The following RNF144A variants were observed in gnomAD, a reference collection of about 807,000 sequenced individuals.
RNF144A encodes the protein ring finger protein 144A, also known as E3 ubiquitin-protein ligase RNF144A.
RNF144A carries 11 observed loss-of-function variants against 38.7 expected under a neutral mutation model. The ratio of observed to expected loss-of-function variants is 0.28; its 90% CI spans 0.18 to 0.47. The LOEUF (loss-of-function observed/expected upper bound fraction) is 0.47, where lower values mean the gene tolerates loss of function less well. Among genes scored for constraint, RNF144A ranks in the 20% least tolerant of loss-of-function variants. The probability of loss-of-function intolerance (pLI) is 0.99; values close to 1 mark genes in which losing one functional copy is unlikely to be tolerated. For missense variants in RNF144A, 316 were observed against 377.2 expected (o/e 0.84, Z 1.34); for synonymous variants, 149 against 143.9 (o/e 1.04, Z -0.25).
chr2:7,029,366 TGAGCTGGG>T (rs1458123190), intron 7 of RNF144A, among the ~76,000 whole-genome samples: 1 of 152,194 alleles, frequency 6.6e-6, no homozygotes, highest in African/African-American at 2.4e-5. Context: ...TGCCAAGCAC[TGAGCTGGG>T]GAACACACTT....
chr2:7,044,751 C>T (rs140472873), downstream of RNF144A, among the ~76,000 whole-genome samples: 12 of 152,282 alleles, frequency 7.9e-5, no homozygotes, highest in Non-Finnish European at 1.3e-4. Context: ...ATACCTCATG[C>T]GTTCATATGA....
chr2:7,039,228 G>T (rs147067802), intron 8 of RNF144A, among the ~76,000 whole-genome samples: 2,018 of 150,914 alleles, frequency 0.013, 36 homozygotes, highest in African/African-American at 0.047. Flanking sequence ...TAGATGGATG[G>T]GTAGGTGGAT....
intron 2 of RNF144A, among the ~76,000 whole-genome samples, chr2:6,978,149 C>T (rs1169226896): frequency 6.6e-6 from 1 of 152,132 alleles, no homozygotes; most frequent in Non-Finnish European, 1.5e-5. Context: ...CTGCATAGCT[C>T]TGGAGGACGT....
chr2:6,938,664 C>T (rs1459165581), intron 1 of RNF144A, among the ~76,000 whole-genome samples: 1 of 152,188 alleles, frequency 6.6e-6, no homozygotes, highest in East Asian at 1.9e-4. Flanking sequence ...TTGTAACCAA[C>T]ATCATTATCT....
At chr2:6,961,051 C>T (rs908392528) in intron 2 of RNF144A, among the ~76,000 whole-genome samples, 2 of 151,770 alleles carry the variant, frequency 1.3e-5, no homozygotes, top group African/African-American at 2.4e-5. Flanking sequence ...ACGTGGTCCT[C>T]TGGATGTCTT....
intron 1 of RNF144A, among the ~76,000 whole-genome samples, chr2:6,939,153 C>T (rs573267076): frequency 3.6e-4 from 55 of 152,296 alleles, no homozygotes; most frequent in African/African-American, 1.3e-3. Flanking sequence ...CTTTGAGGAG[C>T]TGCCAAACTA....
At chr2:6,989,222 C>A (rs1048697935) in intron 2 of RNF144A, among the ~76,000 whole-genome samples, 1 of 152,234 alleles carries the variant, frequency 6.6e-6, no homozygotes, top group Non-Finnish European at 1.5e-5. Context: ...TCTTTATTAG[C>A]CACCTGAATC....
intron 8 of RNF144A, among the ~76,000 whole-genome samples, chr2:7,034,192 T>C (rs1672511258): frequency 6.6e-6 from 1 of 151,984 alleles, no homozygotes; most frequent in Non-Finnish European, 1.5e-5. Flanking sequence ...AGTTCTTCCT[T>C]TCTTTGAAGG....
Position 6,943,863 on chromosome 2 carries a change from C to G in RNF144A, c.-12+2716C>G, listed in dbSNP as rs1262593969. 6.6e-6 allele frequency among the ~76,000 whole-genome samples: 1 copy of G among 152,138 alleles called. No homozygotes were observed. Among genetic ancestry groups the G allele is most frequent in the Non-Finnish European group, 1.5e-5 (1 of 68,038 alleles). ...AGAGACCAGGAGGCAGCAGAAAGTC[C>G]TCTAGAGAGATGGAGGTGCAGAGCG... On this transcript the variant is annotated intron_variant, in intron 2 of 8. Transcript: ENST00000320892. The surrounding 1 kb of genome is among the most constrained non-coding windows in gnomAD (Gnocchi z 4.3).
chr2:6,985,270 CTTTTTTTTTTTTT>C (rs748540904), intron 2 of RNF144A, among the ~76,000 whole-genome samples: 1 of 104,728 alleles, frequency 9.5e-6, no homozygotes, highest in African/African-American at 3.4e-5. Flanking sequence ...CCTCCCCCCT[CTTTTTTTTTTTTT>C]TTTTTTTTTT....
chr2:7,022,525 C>T (rs147824309), intron 6 of RNF144A, among the ~76,000 whole-genome samples: 32 of 152,322 alleles, frequency 2.1e-4, no homozygotes, highest in African/African-American at 5.5e-4. Context: ...CATATTTTAA[C>T]GGTTTTCATT....
chr2:7,009,891 G>T (rs138743246), intron 3 of RNF144A, among the ~76,000 whole-genome samples: 2 of 152,222 alleles, frequency 1.3e-5, no homozygotes, highest in Non-Finnish European at 2.9e-5. Context: ...AGGAATGCCT[G>T]TTGCCAGGTG....
intron 2 of RNF144A, among the ~76,000 whole-genome samples, chr2:6,973,341 C>T (rs1668107270): frequency 6.6e-6 from 1 of 152,244 alleles, no homozygotes; most frequent in Non-Finnish European, 1.5e-5. Flanking sequence ...CTAAAATTGT[C>T]ATTAACTGTT....
At chr2:6,951,888 A>C (rs1033851101) in intron 2 of RNF144A, among the ~76,000 whole-genome samples, 1 of 152,086 alleles carries the variant, frequency 6.6e-6, no homozygotes. Context: ...TTCAATTCTT[A>C]TAGTTTCTCT....
chr2:7,027,700 A>T (rs904226441), intron 7 of RNF144A, among the ~76,000 whole-genome samples: 2 of 152,178 alleles, frequency 1.3e-5, no homozygotes, highest in Non-Finnish European at 2.9e-5. Context: ...CCCACCCCGG[A>T]GTTCAATGGA....
rs75041720 is a variant in RNF144A, at chr2:6,970,129, A to G, written c.-11-26787A>G. Among the ~76,000 whole-genome samples the G allele has an allele frequency of 3.3e-3, 504 of 152,278 alleles. 3 individuals carry two copies. The highest frequency in any genetic ancestry group is 0.012 in the African/African-American group (482 of 41,564). ...TGTATATGGAGCAAAAGTGAATTTCATGTTTAAACTTGGGTCCTGATATGG... is the reference window on the plus strand; with the variant it reads ...TGTATATGGAGCAAAAGTGAATTTCGTGTTTAAACTTGGGTCCTGATATGG... On this transcript the variant is annotated intron_variant, in intron 2 of 8. Coordinates refer to ENST00000320892, the MANE Select transcript of RNF144A (RefSeq NM_014746.6).
intron 2 of RNF144A, among the ~76,000 whole-genome samples, chr2:6,983,023 A>G (rs902311481): frequency 5.3e-5 from 8 of 152,182 alleles, no homozygotes; most frequent in African/African-American, 9.7e-5. Flanking sequence ...AGCCTAGGAA[A>G]GGCTTTTGTC....
intron 6 of RNF144A, 78 bp from the exon 7 acceptor site, chr2:7,024,291 T>C (rs1671726815): frequency 4.6e-6 from 6 of 1,291,260 alleles, no homozygotes; most frequent in Admixed American, 4.8e-5. Context: ...GTGGAGCCGA[T>C]GCTTCCAGCA....
At chr2:7,046,935 A>G (rs1558462857), downstream of RNF144A, among the ~76,000 whole-genome samples, 1 of 152,118 alleles carries the variant, frequency 6.6e-6, no homozygotes, top group South Asian at 2.1e-4. Flanking sequence ...AGTACATGTG[A>G]TGTGTTTTTT....
Sources: allele counts gnomAD v4.1 joint callset (sites outside exome capture counted in the v4.1 genomes callset), GRCh38; gene constraint gnomAD v4.1.1; non-coding constraint Gnocchi (gnomAD v3.1); transcripts MANE v1.5; gene names NCBI Gene and HGNC (gene_info 2026-07-23, HGNC 2026-07-21).